Variants in GPR137B observed in about 807,000 individuals in gnomAD.
The protein encoded by GPR137B is G protein-coupled receptor 137B, also known as integral membrane protein GPR137B.
GPR137B carries 42 observed loss-of-function variants against 42.5 expected under a neutral mutation model. That is an observed-to-expected ratio of 0.99 (90% CI 0.77 to 1.28). GPR137B has a LOEUF of 1.28. Among genes scored for constraint, GPR137B ranks in the 50% most tolerant of loss-of-function variants. The pLI is 0.00. For missense variants in GPR137B, 487 were observed against 493.9 expected, an observed-to-expected ratio of 0.99 and a Z score of 0.13; for synonymous variants, 218 against 209.7, an observed-to-expected ratio of 1.04 and a Z score of -0.34.
At chr1:236,168,802 C>G in intron 2 of GPR137B, 47 bp downstream of exon 2, 1 of 1,302,182 alleles carries the variant, frequency 7.7e-7, no homozygotes, top group Non-Finnish European at 1.1e-6. Flanking sequence ...GGGAAAGTGC[C>G]GACACATGAA....
chr1:236,169,277 G>T (rs1662463790), intron 2 of GPR137B, among the ~76,000 whole-genome samples: 1 of 151,722 alleles, frequency 6.6e-6, no homozygotes, highest in Non-Finnish European at 1.5e-5. Flanking sequence ...CCTCGCCCCT[G>T]CAGCCTGCCA....
At chr1:236,147,009 A>G (rs539946776) in intron 1 of GPR137B, among the ~76,000 whole-genome samples, 3 of 152,334 alleles carry the variant, frequency 2.0e-5, no homozygotes, top group Non-Finnish European at 4.4e-5. Flanking sequence ...GGGTTTCACC[A>G]TCTTGGCCAG....
chr1:236,189,704 C>G (rs1307874645), intron 5 of GPR137B, among the ~76,000 whole-genome samples: 1 of 152,088 alleles, frequency 6.6e-6, no homozygotes, highest in Non-Finnish European at 1.5e-5. Context: ...TGTTCTTTTG[C>G]ATTTGCTGAG....
chr1:236,201,084 T>G (rs188457086), intron 5 of GPR137B, among the ~76,000 whole-genome samples: 191 of 152,148 alleles, frequency 1.3e-3, no homozygotes, highest in Non-Finnish European at 2.4e-3. Context: ...TTCCTTCATT[T>G]ATGAAGCTTT....
chr1:236,191,009 G>C (rs1439726789), intron 5 of GPR137B, among the ~76,000 whole-genome samples: 7 of 152,042 alleles, frequency 4.6e-5, no homozygotes, highest in Non-Finnish European at 1.5e-5. Flanking sequence ...TTTTCACATA[G>C]TTCCATGTTT....
chr1:236,164,309 C>A (rs369988425), intron 1 of GPR137B, among the ~76,000 whole-genome samples: 74 of 152,328 alleles, frequency 4.9e-4, no homozygotes, highest in African/African-American at 1.8e-3. Context: ...TGTTCCTTAG[C>A]CTCTCATAGG....
chr1:236,200,537 G>A (rs1663463435), intron 5 of GPR137B, among the ~76,000 whole-genome samples: 1 of 151,940 alleles, frequency 6.6e-6, no homozygotes, highest in Non-Finnish European at 1.5e-5. Flanking sequence ...CATATTAGGT[G>A]CATATATATT....
At chr1:236,205,360 G>A in intron 6 of GPR137B, 110 bp downstream of exon 6, 1 of 878,408 alleles carries the variant, frequency 1.1e-6, no homozygotes, top group Non-Finnish European at 1.8e-6. Context: ...GCAGCCTTAG[G>A]TGGTATAAGA....
At chr1:236,194,798 TA>T (rs1663290681) in intron 5 of GPR137B, among the ~76,000 whole-genome samples, 1 of 152,128 alleles carries the variant, frequency 6.6e-6, no homozygotes. Context: ...TTTTGAGAGG[TA>T]AACTCAGTTT....
chr1:236,178,339 C>T (rs899447019), intron 2 of GPR137B, 75 bp from the exon 3 acceptor site: 13 of 859,612 alleles, frequency 1.5e-5, no homozygotes, highest in Non-Finnish European at 2.6e-5. Context: ...TCTAGCAGTT[C>T]ACCAAAACAC....
intron 5 of GPR137B, among the ~76,000 whole-genome samples, chr1:236,201,622 T>G (rs1288120683): frequency 6.6e-6 from 1 of 152,130 alleles, no homozygotes; most frequent in African/African-American, 2.4e-5. Flanking sequence ...GTGACAGTTT[T>G]TTATTATATC....
At chr1:236,175,062 C>T (rs1189586632) in intron 2 of GPR137B, among the ~76,000 whole-genome samples, 1 of 151,844 alleles carries the variant, frequency 6.6e-6, no homozygotes, top group African/African-American at 2.4e-5. Context: ...TGCAGTGGCT[C>T]TCAGCTGTAA....
intron 5 of GPR137B, among the ~76,000 whole-genome samples, chr1:236,204,016 T>C (rs545143907): frequency 1.3e-5 from 2 of 152,350 alleles, no homozygotes; most frequent in East Asian, 1.9e-4. Flanking sequence ...GGCTTGTAGT[T>C]TTCCCCTATT....
chr1:236,142,943 T>C lies in GPR137B; in HGVS notation c.321T>C (p.Asn107=), dbSNP rs1661568533. ...SFYFKDFVAA[N]SLSPFVFWLL... Reference sequence around the variant, plus strand: ...ACTTCAAAGACTTCGTGGCGGCCAATTCGCTCAGCCCCTTCGTCTTCTGGC... The same window carrying C: ...ACTTCAAAGACTTCGTGGCGGCCAACTCGCTCAGCCCCTTCGTCTTCTGGC... The change falls in exon 1 of 7, where the codon AAT becomes AAC. Residue 107 remains asparagine, a synonymous_variant. Transcript: ENST00000366592. The C allele has an allele frequency of 1.2e-6, 2 of 1,614,086 alleles. No homozygotes were observed. Among genetic ancestry groups the C allele is most frequent in the African/African-American group, 2.7e-5 (2 of 74,954 alleles).
chr1:236,172,377 T>C (rs1397891286), intron 2 of GPR137B, among the ~76,000 whole-genome samples: 2 of 152,216 alleles, frequency 1.3e-5, no homozygotes, highest in Non-Finnish European at 2.9e-5. Flanking sequence ...CTAGAACTAG[T>C]TGAAACTTTC....
intron 5 of GPR137B, among the ~76,000 whole-genome samples, chr1:236,189,290 T>C (rs1663121911): frequency 6.6e-6 from 1 of 152,190 alleles, no homozygotes; most frequent in Non-Finnish European, 1.5e-5. Flanking sequence ...TTCATTGATT[T>C]TTTTTGAAGG....
intron 1 of GPR137B, among the ~76,000 whole-genome samples, chr1:236,162,609 C>T (rs895674154): frequency 1.3e-5 from 2 of 152,214 alleles, no homozygotes; most frequent in African/African-American, 4.8e-5. Flanking sequence ...GGACTTCGTG[C>T]CCTGTGTCCC....
At chr1:236,195,517 A>C (rs1296399690) in intron 5 of GPR137B, among the ~76,000 whole-genome samples, 3 of 152,162 alleles carry the variant, frequency 2.0e-5, no homozygotes. Flanking sequence ...GCTGATGAAC[A>C]CTTAGGTTGC....
chr1:236,163,518 G>T (rs562951328), intron 1 of GPR137B, among the ~76,000 whole-genome samples: 5 of 152,288 alleles, frequency 3.3e-5, no homozygotes, highest in African/African-American at 1.2e-4. Context: ...AACTTGAATT[G>T]TATCTCCCGG....
Sources: gnomAD v4.1 joint callset for allele counts (sites outside exome capture counted in the v4.1 genomes callset) on GRCh38, gnomAD v4.1.1 for gene constraint, MANE v1.5 for transcripts, NCBI Gene and HGNC (gene_info 2026-07-23, HGNC 2026-07-21) for gene names.